Variants in UFD1 observed in about 807,000 individuals in gnomAD.
The protein encoded by UFD1 is ubiquitin recognition factor in ER-associated degradation protein 1.
In UFD1, 13 loss-of-function variants were observed where a neutral mutation model predicts 45.9. The observed-to-expected ratio is 0.28, with a 90% CI of 0.18 to 0.45. UFD1 has a LOEUF of 0.45. Among genes scored for constraint, UFD1 ranks in the 20% least tolerant of loss-of-function variants. The pLI is 1.00. For missense variants in UFD1, 218 were observed against 389.2 expected (o/e 0.56, Z 3.70); for synonymous variants, 128 against 139.2 (o/e 0.92, Z 0.56).
intron 11 of UFD1, chr22:19,453,012 G>A (rs755381864): frequency 1.8e-5 from 18 of 978,590 alleles, no homozygotes; most frequent in Non-Finnish European, 2.1e-5. Flanking sequence ...TGGTTTCTGT[G>A]GCTGTTCTTC....
Position 19,476,867 on chromosome 22 carries a change from C to T in UFD1, c.4-1265G>A, listed in dbSNP as rs560641136. On this transcript the variant is annotated intron_variant, in intron 1 of 11. Transcript: ENST00000263202. ...ACTAAAAATACAAAAATTAGCCGGG[C>T]GTGGTGGTACACGCCTGTAATCCCA... Among the ~76,000 whole-genome samples, 6 of 151,596 alleles carry T rather than the reference C, an allele frequency of 4.0e-5. No homozygotes were observed. The South Asian group carries it at 1.2e-3, about 32-fold the overall frequency.
rs756276541 is a variant in UFD1, at chr22:19,451,029, C to T, written c.850-285G>A. 3.0e-4 allele frequency: 319 copies of T among 1,064,040 alleles called. 2 individuals carry two copies. The highest frequency in any genetic ancestry group is 1.8e-3 in the East Asian group (30 of 16,518). 65.9% of individuals were successfully genotyped at this position (1,064,040 alleles called of 1,614,324 possible). On this transcript the variant is annotated intron_variant, in intron 11 of 11. Transcript: ENST00000263202. Reference sequence around the variant, plus strand: ...ATCCCAGCTACTTGGGAGGCTGAGACGGGAGGATGGTTTGAGCCAGGGCCA... The same window carrying T: ...ATCCCAGCTACTTGGGAGGCTGAGATGGGAGGATGGTTTGAGCCAGGGCCA...
chr22:19,475,085 G>A lies in UFD1; in HGVS notation c.152C>T (p.Ser51Leu), dbSNP rs1319213313. 1 of 1,609,944 alleles carries A rather than the reference G, an allele frequency of 6.2e-7. No homozygotes were observed. The highest frequency in any genetic ancestry group is 8.5e-7 in the Non-Finnish European group (1 of 1,178,658). Residue 51 changes from serine (S) to leucine (L), a missense_variant, in exon 3 of 12, where the codon TCG becomes TTG. Ser to Leu is a moderately radical substitution (Grantham distance 145, BLOSUM62 -2). Coordinates refer to ENST00000263202, the MANE Select transcript of UFD1 (RefSeq NM_005659.7). ...ATACTTACTGAGTTGGTCCAGGGCC[G>A]AGGGTGGCATAATTACTGTGGAAAG... ...EKGGKIIMPP[S>L]ALDQLSRLNI... is the part of the protein sequence containing the mutation.
At chr22:19,470,822 G>A (rs1425834834) in intron 4 of UFD1, 3 of 466,700 alleles carry the variant, frequency 6.4e-6, no homozygotes, top group Admixed American at 2.2e-5. Flanking sequence ...CCATGATAGG[G>A]CATCAGCAGG....
chr22:19,478,962 C>T, intron 1 of UFD1, 121 bp downstream of exon 1: 2 of 1,365,490 alleles, frequency 1.5e-6, no homozygotes, highest in South Asian at 1.4e-5. Context: ...GCCTGCAGGC[C>T]GGACTCAGGC....
intron 6 of UFD1, among the ~76,000 whole-genome samples, chr22:19,461,217 T>C (rs2089763933): frequency 6.6e-6 from 1 of 152,270 alleles, no homozygotes; most frequent in South Asian, 2.1e-4. Flanking sequence ...TGAATAATAT[T>C]ACATTGTATG....
At chr22:19,476,076 G>A (rs2089878861) in intron 1 of UFD1, among the ~76,000 whole-genome samples, 1 of 152,108 alleles carries the variant, frequency 6.6e-6, no homozygotes, top group African/African-American at 2.4e-5. Flanking sequence ...CTCAAAGCAA[G>A]AGAGATATAC....
intron 1 of UFD1, chr22:19,478,707 T>G: frequency 1.0e-5 from 2 of 195,550 alleles, no homozygotes; most frequent in East Asian, 1.1e-4. Context: ...CCACTACGGA[T>G]TCTCCCTGGG....
At chr22:19,474,924 G>A (rs764027816) in intron 3 of UFD1, 144 bp downstream of exon 3, 1 of 765,938 alleles carries the variant, frequency 1.3e-6, no homozygotes, top group Non-Finnish European at 2.0e-6. Context: ...GGTTCTCCCA[G>A]CCCAGCGCAT....
chr22:19,471,221 TG>T (rs777969913), intron 4 of UFD1: 37 of 512,078 alleles, frequency 7.2e-5, no homozygotes, highest in South Asian at 5.3e-4. Flanking sequence ...AGAGCCTGCT[TG>T]TAAGGAAAAA....
chr22:19,463,480 G>T (rs2089781190), intron 6 of UFD1, among the ~76,000 whole-genome samples: 1 of 152,112 alleles, frequency 6.6e-6, no homozygotes, highest in Non-Finnish European at 1.5e-5. Context: ...TTTCCTTAGG[G>T]ATCTAATTTT....
In UFD1 at chr22:19,479,097, C is replaced by T; in HGVS notation, c.-12G>A. ...TCAGCGCTTACCATGATGGACACCA[C>T]CTGGCAGACTCCGCTCCTCTCAGGC... On this transcript the variant is annotated 5_prime_UTR_variant, in exon 1 of 12. In the 5' UTR this introduces an upstream ATG that the reference lacks. Transcript: ENST00000263202. 1 of 1,611,606 alleles carries T rather than the reference C, an allele frequency of 6.2e-7. No homozygotes were observed.
intron 1 of UFD1, among the ~76,000 whole-genome samples, chr22:19,477,448 T>G (rs925565350): frequency 2.6e-5 from 4 of 152,220 alleles, no homozygotes; most frequent in African/African-American, 9.6e-5. Context: ...AAAGGACTTA[T>G]ATTTTATGAG....
At chr22:19,467,671 G>C in intron 5 of UFD1, 1 of 764,336 alleles carries the variant, frequency 1.3e-6, no homozygotes, top group South Asian at 1.9e-5. Flanking sequence ...GAAAGTGACA[G>C]AGGTGGCCCA....
intron 1 of UFD1, among the ~76,000 whole-genome samples, chr22:19,476,418 T>C (rs1253691265): frequency 6.6e-6 from 1 of 152,170 alleles, no homozygotes; most frequent in Non-Finnish European, 1.5e-5. Flanking sequence ...AGGTACACGT[T>C]ACACTATGTT....
chr22:19,468,732 A>G lies in UFD1; in HGVS notation c.292-729T>C, dbSNP rs530134945. 8.5e-5 allele frequency among the ~76,000 whole-genome samples: 13 copies of G among 152,278 alleles called. 1 individual carries two copies. In the South Asian group the frequency reaches 2.7e-3, roughly 32 times the overall value. On this transcript the variant is annotated intron_variant, in intron 4 of 11. Coordinates refer to ENST00000263202, the MANE Select transcript of UFD1 (RefSeq NM_005659.7). Reference sequence around the variant, plus strand: ...GAGCCGTAGAAGAGAGCTCCCACGCACCGAGCCCTGACAGTTGGACAGTGC... The same window carrying G: ...GAGCCGTAGAAGAGAGCTCCCACGCGCCGAGCCCTGACAGTTGGACAGTGC...
At chr22:19,469,090 G>C (rs2089825188) in intron 4 of UFD1, among the ~76,000 whole-genome samples, 1 of 152,214 alleles carries the variant, frequency 6.6e-6, no homozygotes, top group Non-Finnish European at 1.5e-5. Flanking sequence ...TGTCAGGCTA[G>C]TAAGGGCAGA....
rs900592218 is a variant in UFD1, at chr22:19,471,771, C to A, written c.207G>T (p.Leu69=). Residue 69 remains leucine, a synonymous_variant, in exon 4 of 12, where the codon CTG becomes CTT. Coordinates refer to ENST00000263202, the MANE Select transcript of UFD1 (RefSeq NM_005659.7). ...TCATGCGGTCCGAATTCTTATTGGT[C>A]AGTTTGAACAGCATGGGATAGGTAA... is the stretch of plus-strand genomic sequence containing the variant. The part of the protein sequence containing the change: ...LNITYPMLFK[L]TNKNSDRMTH... 1.9e-6 allele frequency: 3 copies of A among 1,614,126 alleles called. No homozygotes were observed. Among genetic ancestry groups the A allele is most frequent in the Non-Finnish European group, 2.5e-6 (3 of 1,180,028 alleles).
At chr22:19,465,575 G>A in intron 5 of UFD1, 2 of 351,562 alleles carry the variant, frequency 5.7e-6, no homozygotes, top group Non-Finnish European at 1.1e-5. Context: ...ACAGATCTAT[G>A]AGGATGGGAG....
Sources: allele counts gnomAD v4.1 joint callset (sites outside exome capture counted in the v4.1 genomes callset), GRCh38; gene constraint gnomAD v4.1.1; transcripts MANE v1.5; gene names NCBI Gene and HGNC (gene_info 2026-07-23, HGNC 2026-07-21).